Variants in PIK3CB observed in about 807,000 individuals in gnomAD.
PIK3CB encodes phosphatidylinositol 4,5-bisphosphate 3-kinase catalytic subunit beta isoform.
Under a neutral mutation model 136.8 loss-of-function variants are expected in PIK3CB, and 39 were observed. That is an observed-to-expected ratio of 0.29 (90% CI 0.22 to 0.37). PIK3CB has a LOEUF of 0.37. Ranked by LOEUF, PIK3CB falls within the 10% of genes least tolerant of loss-of-function variation. PIK3CB has a pLI of 1.00. For missense variants in PIK3CB, 868 were observed against 1,275.4 expected, an observed-to-expected ratio of 0.68 and a Z score of 4.87; for synonymous variants, 428 against 436.6, an observed-to-expected ratio of 0.98 and a Z score of 0.25.
intron 7 of PIK3CB, among the ~76,000 whole-genome samples, chr3:138,734,180 A>C (rs909865747): frequency 8.5e-5 from 13 of 152,162 alleles, no homozygotes; most frequent in African/African-American, 3.1e-4. Flanking sequence ...ATTCTGAAAA[A>C]CAATAGTGCC....
At chr3:138,821,566 C>A (rs1206496183) in intron 1 of PIK3CB, among the ~76,000 whole-genome samples, 1 of 152,090 alleles carries the variant, frequency 6.6e-6, no homozygotes, top group African/African-American at 2.4e-5. Context: ...GGGTGGATCA[C>A]CTGAGGTCAG....
At chr3:138,751,475 T>C (rs1305039385) in intron 4 of PIK3CB, among the ~76,000 whole-genome samples, 1 of 151,402 alleles carries the variant, frequency 6.6e-6, no homozygotes, top group African/African-American at 2.4e-5. Context: ...AAAAAGAAAT[T>C]TTATCAAAAA....
chr3:138,735,708 G>A (rs2045088159), intron 6 of PIK3CB, among the ~76,000 whole-genome samples: 1 of 152,028 alleles, frequency 6.6e-6, no homozygotes. Context: ...TATTACCAAA[G>A]ATTCCTAACA....
At chr3:138,766,009 T>C (rs1200152051) in intron 2 of PIK3CB, among the ~76,000 whole-genome samples, 1 of 152,146 alleles carries the variant, frequency 6.6e-6, no homozygotes, top group African/African-American at 2.4e-5. Flanking sequence ...TTAACAAACA[T>C]ATAAAATTCT....
At chr3:138,789,077 G>A (rs1008403838) in intron 2 of PIK3CB, among the ~76,000 whole-genome samples, 5 of 151,318 alleles carry the variant, frequency 3.3e-5, no homozygotes, top group African/African-American at 1.2e-4. Context: ...GTGTATTGCT[G>A]GTGCAAATAT....
chr3:138,709,397 A>G (rs1269141690), intron 10 of PIK3CB, among the ~76,000 whole-genome samples: 1 of 152,212 alleles, frequency 6.6e-6, no homozygotes, highest in Admixed American at 6.5e-5. Flanking sequence ...TATGGTGAAT[A>G]AAGCAAGAAG....
At chr3:138,824,716 AG>A (rs1178834696) in intron 1 of PIK3CB, among the ~76,000 whole-genome samples, 1 of 151,668 alleles carries the variant, frequency 6.6e-6, no homozygotes. Flanking sequence ...AAAGAAATGA[AG>A]GAGATATACA....
At chr3:138,738,229 T>C (rs758104708) in intron 5 of PIK3CB, among the ~76,000 whole-genome samples, 2 of 152,022 alleles carry the variant, frequency 1.3e-5, no homozygotes, top group African/African-American at 2.4e-5. Context: ...TGGAGCGCAA[T>C]GGCTCGATCT....
chr3:138,788,499 A>T (rs954262893), intron 2 of PIK3CB, among the ~76,000 whole-genome samples: 4 of 149,792 alleles, frequency 2.7e-5, no homozygotes, highest in African/African-American at 7.4e-5. Context: ...TCTACTAAAA[A>T]TACAAAAATT....
chr3:138,701,211 AT>A (rs943237037), intron 12 of PIK3CB, among the ~76,000 whole-genome samples: 2 of 151,190 alleles, frequency 1.3e-5, no homozygotes, highest in Admixed American at 6.6e-5. Flanking sequence ...GTCATTAAAG[AT>A]TAAAAAAAAA....
chr3:138,738,220 G>A (rs1559852246), intron 5 of PIK3CB, among the ~76,000 whole-genome samples: 1 of 151,720 alleles, frequency 6.6e-6, no homozygotes, highest in Non-Finnish European at 1.5e-5. Context: ...CCCCCAGGCT[G>A]GAGCGCAATG....
intron 2 of PIK3CB, among the ~76,000 whole-genome samples, chr3:138,789,327 T>G (rs1021735684): frequency 6.6e-6 from 1 of 151,950 alleles, no homozygotes; most frequent in Non-Finnish European, 1.5e-5. Flanking sequence ...GGTGTGGTGG[T>G]GGGCACCTGT....
intron 1 of PIK3CB, among the ~76,000 whole-genome samples, chr3:138,807,541 T>C (rs1407823991): frequency 6.6e-6 from 1 of 152,116 alleles, no homozygotes; most frequent in Non-Finnish European, 1.5e-5. Context: ...AGAGGACTGG[T>C]TAGATGCACT....
chr3:138,708,267 T>C (rs1043496039), intron 10 of PIK3CB, among the ~76,000 whole-genome samples: 2 of 142,236 alleles, frequency 1.4e-5, no homozygotes, highest in African/African-American at 2.6e-5. Context: ...CTTTTTCTTT[T>C]TTTTTTTTTT....
intron 1 of PIK3CB, among the ~76,000 whole-genome samples, chr3:138,824,710 A>G (rs1441075176): frequency 3.3e-5 from 5 of 151,660 alleles, no homozygotes; most frequent in African/African-American, 1.2e-4. Flanking sequence ...AAAAGAAAAG[A>G]AATGAAGGAG....
At chr3:138,744,392 C>CAAAAAAAAAAAAA (rs60503033) in intron 4 of PIK3CB, among the ~76,000 whole-genome samples, 912 of 45,106 alleles carry the variant, frequency 0.02, 415 homozygotes, top group Non-Finnish European at 0.025. Context: ...GAGACTCCCC[C>CAAAAAAAAAAAAA]AAAAAAAAAA....
At chr3:138,804,254 C>T (rs921800337) in intron 1 of PIK3CB, among the ~76,000 whole-genome samples, 2 of 152,128 alleles carry the variant, frequency 1.3e-5, no homozygotes, top group Admixed American at 1.3e-4. Flanking sequence ...TAGTTCATAT[C>T]TATAATCCTA....
chr3:138,719,149 C>A (rs1239161200), intron 8 of PIK3CB, among the ~76,000 whole-genome samples: 2 of 150,304 alleles, frequency 1.3e-5, no homozygotes, highest in Non-Finnish European at 3.0e-5. Flanking sequence ...AAGATTTACA[C>A]AACAGCACTT....
intron 10 of PIK3CB, among the ~76,000 whole-genome samples, chr3:138,707,951 C>A (rs535110260): frequency 1.3e-5 from 2 of 152,036 alleles, no homozygotes; most frequent in Non-Finnish European, 2.9e-5. Flanking sequence ...CTCTGGAGTT[C>A]GCATCATATA....
Sources: gnomAD v4.1 joint callset for allele counts (sites outside exome capture counted in the v4.1 genomes callset) on GRCh38, gnomAD v4.1.1 for gene constraint, MANE v1.5 for transcripts, NCBI Gene and HGNC (gene_info 2026-07-23, HGNC 2026-07-21) for gene names.